Variants in CCDC3 observed in about 807,000 individuals in gnomAD.
CCDC3 encodes the protein coiled-coil domain-containing protein 3.
In CCDC3, 24 loss-of-function variants were observed where a neutral mutation model predicts 21.4. The ratio of observed to expected loss-of-function variants is 1.12; its 90% CI spans 0.81 to 1.58. The LOEUF is 1.58. Among genes scored for constraint, CCDC3 ranks in the 40% most tolerant of loss-of-function variants. The probability of loss-of-function intolerance (pLI) is 0.00; values close to 1 mark genes in which losing one functional copy is unlikely to be tolerated. For synonymous variants in CCDC3, 186 were observed against 166.0 expected, an observed-to-expected ratio of 1.12 and a Z score of -0.93; for missense variants, 425 against 360.9, an observed-to-expected ratio of 1.18 and a Z score of -1.44.
At chr10:12,969,430 TTCA>T (rs1384989624) in intron 2 of CCDC3, among the ~76,000 whole-genome samples, 1 of 142,194 alleles carries the variant, frequency 7.0e-6, no homozygotes, top group African/African-American at 2.4e-5. Context: ...GGAAATTATG[TTCA>T]ATTATGGTAA....
chr10:12,973,615 G>C (rs1218106743), intron 2 of CCDC3, among the ~76,000 whole-genome samples: 1 of 152,194 alleles, frequency 6.6e-6, no homozygotes, highest in Non-Finnish European at 1.5e-5. Flanking sequence ...TCCATGATAA[G>C]GTGTCAGTTT....
intron 2 of CCDC3, among the ~76,000 whole-genome samples, chr10:12,979,824 G>T (rs1020172510): frequency 6.6e-6 from 1 of 152,118 alleles, no homozygotes; most frequent in African/African-American, 2.4e-5. Flanking sequence ...GGGTTGATTT[G>T]TTCACTTCAG....
At chr10:13,040,697 A>T (rs969481655) in intron 5 of CCDC3, among the ~76,000 whole-genome samples, 3 of 150,978 alleles carry the variant, frequency 2.0e-5, no homozygotes, top group East Asian at 3.9e-4. Context: ...TCACACACAC[A>T]CACACACACA....
chr10:13,024,314 T>G (rs1007313383), intron 5 of CCDC3, among the ~76,000 whole-genome samples: 3 of 152,134 alleles, frequency 2.0e-5, no homozygotes, highest in Admixed American at 2.0e-4. Flanking sequence ...TAGAGAAAAG[T>G]GCACTAACAG....
At chr10:12,917,190 T>C (rs1411007995) in intron 2 of CCDC3, among the ~76,000 whole-genome samples, 71 of 93,378 alleles carry the variant, frequency 7.6e-4, no homozygotes, top group South Asian at 1.3e-3. Flanking sequence ...CTTTTTTTTT[T>C]TTTTTTTTTT....
intron 2 of CCDC3, among the ~76,000 whole-genome samples, chr10:12,984,636 G>A (rs1157420475): frequency 6.6e-6 from 1 of 152,060 alleles, no homozygotes; most frequent in African/African-American, 2.4e-5. Context: ...AGGCAAGAGT[G>A]GAAACAAATC....
intron 2 of CCDC3, among the ~76,000 whole-genome samples, chr10:12,939,012 A>G (rs17152523): frequency 0.15 from 23,516 of 152,092 alleles, 1,988 homozygotes; most frequent in African/African-American, 0.24. Context: ...CTCTCCTCCT[A>G]TCTCTGAGAG....
intron 2 of CCDC3, among the ~76,000 whole-genome samples, chr10:12,946,193 G>A (rs1564294095): frequency 6.6e-6 from 1 of 152,152 alleles, no homozygotes; most frequent in African/African-American, 2.4e-5. Context: ...TTGATGTCAT[G>A]GCTTGTGAAT....
At chr10:12,968,337 T>C (rs1835292983) in intron 2 of CCDC3, among the ~76,000 whole-genome samples, 1 of 152,100 alleles carries the variant, frequency 6.6e-6, no homozygotes, top group Non-Finnish European at 1.5e-5. Context: ...AGTGGGATGA[T>C]ATATTCAAAG....
chr10:12,983,117 TAAATA>T (rs1835527648), intron 2 of CCDC3, among the ~76,000 whole-genome samples: 1 of 124,382 alleles, frequency 8.0e-6, no homozygotes, highest in Non-Finnish European at 1.7e-5. Flanking sequence ...AATAAATAAA[TAAATA>T]AAATAGTGTA....
At chr10:12,960,210 C>T (rs1168855017) in intron 2 of CCDC3, among the ~76,000 whole-genome samples, 1 of 150,742 alleles carries the variant, frequency 6.6e-6, no homozygotes, top group African/African-American at 2.5e-5. Context: ...CTCAGCATAA[C>T]TGTACTGTCC....
At chr10:12,900,418 C>G (rs574816917) in intron 2 of CCDC3, among the ~76,000 whole-genome samples, 11 of 151,388 alleles carry the variant, frequency 7.3e-5, no homozygotes, top group Non-Finnish European at 1.0e-4. Flanking sequence ...GTGGCTCACG[C>G]CTGTAATCCC....
intron 2 of CCDC3, among the ~76,000 whole-genome samples, chr10:12,939,761 T>G (rs1357310588): frequency 6.6e-6 from 1 of 152,158 alleles, no homozygotes; most frequent in Non-Finnish European, 1.5e-5. Context: ...CAAATAGTAG[T>G]AATTACCCAA....
intron 2 of CCDC3, among the ~76,000 whole-genome samples, chr10:12,975,937 C>T (rs1008526951): frequency 6.6e-6 from 1 of 152,212 alleles, no homozygotes; most frequent in Non-Finnish European, 1.5e-5. Flanking sequence ...CCAAGACACA[C>T]TCTTCTACAC....
At chr10:13,035,466 C>G (rs373669140) in intron 5 of CCDC3, among the ~76,000 whole-genome samples, 6 of 152,288 alleles carry the variant, frequency 3.9e-5, no homozygotes, top group African/African-American at 1.4e-4. Flanking sequence ...TTCAAAAACA[C>G]TTTGCCAGAA....
intron 2 of CCDC3, among the ~76,000 whole-genome samples, chr10:12,963,556 T>C (rs1344452405): frequency 6.6e-6 from 1 of 151,294 alleles, no homozygotes; most frequent in Non-Finnish European, 1.5e-5. Flanking sequence ...TCCTTCCTAT[T>C]GAACTCCAGT....
chr10:13,000,729 T>C (rs1331959970), intron 1 of CCDC3, among the ~76,000 whole-genome samples: 1 of 152,140 alleles, frequency 6.6e-6, no homozygotes, highest in Non-Finnish European at 1.5e-5. Context: ...ACCAGCCCTG[T>C]CTCTCACTTT....
intron 3 of CCDC3, among the ~76,000 whole-genome samples, chr10:13,095,956 T>C (rs1588424261): frequency 6.6e-6 from 1 of 152,284 alleles, no homozygotes; most frequent in Non-Finnish European, 1.5e-5. Flanking sequence ...ACTGGTCTGA[T>C]TTCTGTCTTT....
intron 2 of CCDC3, among the ~76,000 whole-genome samples, chr10:12,978,639 G>A (rs1368300480): frequency 2.0e-5 from 3 of 152,010 alleles, no homozygotes; most frequent in Non-Finnish European, 2.9e-5. Context: ...CAGAGAGGAC[G>A]GCAAGTCAGA....
Sources: gnomAD v4.1 joint callset for allele counts (sites outside exome capture counted in the v4.1 genomes callset) on GRCh38, gnomAD v4.1.1 for gene constraint, MANE v1.5 for transcripts, NCBI Gene and HGNC (gene_info 2026-07-23, HGNC 2026-07-21) for gene names.